PHYKPL: variants seen among roughly 807,000 people sequenced by gnomAD.
The protein encoded by PHYKPL is 5-phosphonooxy-L-lysine phospho-lyase.
In PHYKPL, 42 loss-of-function variants were observed where a neutral mutation model predicts 51.3. The ratio of observed to expected loss-of-function variants is 0.82; its 90% CI spans 0.64 to 1.06. PHYKPL has a LOEUF of 1.06. Among genes scored for constraint, PHYKPL ranks in the 50% least tolerant of loss-of-function variants. The pLI is 0.00. For missense variants in PHYKPL, 655 were observed against 586.6 expected, an observed-to-expected ratio of 1.12 and a Z score of -1.20; for synonymous variants, 264 against 236.0, an observed-to-expected ratio of 1.12 and a Z score of -1.09.
In PHYKPL at chr5:178,231,581, A is replaced by G. The variant is rs559200996; in HGVS notation, c.60-58T>C. On this transcript the variant is annotated intron_variant, in intron 1 of 12. Coordinates refer to ENST00000308158, the MANE Select transcript of PHYKPL (RefSeq NM_153373.4). Reference sequence around the variant, plus strand: ...TCTGAAGACCGAAAGGGTGAAGTCTACTCATCGCAGACCCCCGCCCACCCC... The same window carrying G: ...TCTGAAGACCGAAAGGGTGAAGTCTGCTCATCGCAGACCCCCGCCCACCCC... 3.8e-5 allele frequency: 62 copies of G among 1,612,756 alleles called. No homozygotes were observed. In the African/African-American group the frequency reaches 4.8e-4, roughly 13 times the overall value.
intron 12 of PHYKPL, 78 bp downstream of exon 12, chr5:178,211,812 A>G (rs1758532242): frequency 1.9e-6 from 2 of 1,035,788 alleles, no homozygotes; most frequent in South Asian, 2.8e-5. Flanking sequence ...AAAAAGGCTC[A>G]GCTTGCCGAG....
chr5:178,212,151 TCTC>T (rs1156556518), intron 11 of PHYKPL, among the ~76,000 whole-genome samples, 181 bp from the exon 12 acceptor site: 11 of 152,200 alleles, frequency 7.2e-5, no homozygotes, highest in South Asian at 2.1e-4. Context: ...AGCCCTCAGT[TCTC>T]CTGAGATTTG....
At chr5:178,221,967 G>C (rs967741517) in intron 8 of PHYKPL, among the ~76,000 whole-genome samples, 8 of 152,300 alleles carry the variant, frequency 5.3e-5, no homozygotes, top group African/African-American at 1.4e-4. Context: ...AAGACAGGGA[G>C]CCACTGCAAT....
chr5:178,231,583 T>C (rs985704192), intron 1 of PHYKPL, 60 bp from the exon 2 acceptor site: 30 of 1,612,652 alleles, frequency 1.9e-5, no homozygotes, highest in Non-Finnish European at 2.5e-5. Flanking sequence ...TGAAGTCTAC[T>C]CATCGCAGAC....
chr5:178,208,205 G>T (rs1451967361), downstream of PHYKPL, among the ~76,000 whole-genome samples: 2 of 152,200 alleles, frequency 1.3e-5, no homozygotes, highest in Non-Finnish European at 2.9e-5. Flanking sequence ...GCAGGGTGTG[G>T]CAGGTTCTGT....
At chr5:178,214,775 C>A (rs746835085) in intron 10 of PHYKPL, 21 bp downstream of exon 10, 6 of 1,612,972 alleles carry the variant, frequency 3.7e-6, no homozygotes, top group African/African-American at 1.3e-5. Flanking sequence ...CAGGAAGCAA[C>A]TTGTTTCAAG....
At position 178,223,548 on chromosome 5, in the gene PHYKPL, G is replaced by A. The variant is rs1330945635; in HGVS notation, c.619-614C>T. The stretch of plus-strand genomic sequence containing the variant: ...GGTGGGAGGGCAGGGCCAATGGGAT[G>A]GGATACTGGTCCCCCACACCTGTTG... On this transcript the variant is annotated intron_variant, in intron 6 of 12. Coordinates refer to ENST00000308158, the MANE Select transcript of PHYKPL (RefSeq NM_153373.4). The A allele has an allele frequency of 1.1e-5, 5 of 452,284 alleles. No individual in the cohort carries two copies. The East Asian group carries it at 3.5e-4, about 32-fold the overall frequency. 28.0% of individuals were successfully genotyped at this position (452,284 alleles called of 1,614,324 possible). A position where few individuals can be genotyped will look rare whatever the true frequency, so the allele number is the denominator to read the frequency against.
Position 178,210,138 on chromosome 5 carries a change from G to T in PHYKPL, c.*32-1223C>A. ...TGCCCTGCTCCCCCCACAGGTCAGA[G>T]TCAGAGTTGGAATCAGGGCTACGGC... On this transcript the variant is annotated intron_variant, in intron 12 of 12. Transcript: ENST00000308158. 1 of 1,614,168 alleles carries T rather than the reference G, an allele frequency of 6.2e-7. No individual in the cohort carries two copies. The highest frequency in any genetic ancestry group is 8.5e-7 in the Non-Finnish European group (1 of 1,180,006).
At chr5:178,218,216 CAAA>C (rs777929826) in intron 8 of PHYKPL, among the ~76,000 whole-genome samples, 2 of 58,284 alleles carry the variant, frequency 3.4e-5, no homozygotes, top group South Asian at 7.7e-4. Flanking sequence ...AACTCCGTCT[CAAA>C]AAAAAAAAAA....
chr5:178,209,942 C>T (rs1190143625), intron 12 of PHYKPL, among the ~76,000 whole-genome samples: 4 of 151,832 alleles, frequency 2.6e-5, no homozygotes, highest in Non-Finnish European at 5.9e-5. Flanking sequence ...ATCCTGGTCT[C>T]TGATCCTCTG....
chr5:178,224,616 CTGT>C (rs769459063), intron 5 of PHYKPL, 23 bp downstream of exon 5: 14 of 1,614,078 alleles, frequency 8.7e-6, no homozygotes, highest in African/African-American at 1.3e-5. Flanking sequence ...AGGCACCGAC[CTGT>C]TGTTGAGTTG....
At chr5:178,209,264 GGT>G in intron 12 of PHYKPL, 1 of 1,200,240 alleles carries the variant, frequency 8.3e-7, no homozygotes. Context: ...TCGCAGTGAA[GGT>G]GTTTGGGCAG....
At chr5:178,231,139 C>T (rs1470712589) in intron 2 of PHYKPL, among the ~76,000 whole-genome samples, 1 of 152,200 alleles carries the variant, frequency 6.6e-6, no homozygotes, top group Non-Finnish European at 1.5e-5. Flanking sequence ...CACAGCTGGG[C>T]CATCTGCCAC....
downstream of PHYKPL, among the ~76,000 whole-genome samples, chr5:178,208,179 G>T (rs1757182452): frequency 6.6e-6 from 1 of 152,182 alleles, no homozygotes; most frequent in Admixed American, 6.5e-5. Context: ...GGGAGTTGAG[G>T]GTGCGGCCTG....
chr5:178,224,836 T>C (rs55812151), intron 4 of PHYKPL, 107 bp from the exon 5 acceptor site: 74,552 of 823,538 alleles, frequency 0.091, 4,005 homozygotes, highest in Non-Finnish European at 0.1. Flanking sequence ...GAGGCCAACT[T>C]TCCTGACAGA....
rs770074629 is a variant in PHYKPL, at chr5:178,222,590, A to G, written c.702-10T>C. Reference sequence around the variant, plus strand: ...GGCCTTGCGGATGTGCCTGTGGCAGAGGAGATGACTGACACGGGGGCTGTG... The same window carrying G: ...GGCCTTGCGGATGTGCCTGTGGCAGGGGAGATGACTGACACGGGGGCTGTG... On this transcript the variant is annotated splice_polypyrimidine_tract_variant and intron_variant, in intron 7 of 12. Transcript: ENST00000308158. 1 of 1,612,698 alleles carries G rather than the reference A, an allele frequency of 6.2e-7. No individual in the cohort carries two copies. Among genetic ancestry groups the G allele is most frequent in the South Asian group, 1.1e-5 (1 of 91,032 alleles).
chr5:178,217,860 A>G (rs553332336), intron 8 of PHYKPL, among the ~76,000 whole-genome samples: 2 of 136,066 alleles, frequency 1.5e-5, no homozygotes, highest in East Asian at 2.1e-4. Context: ...TCCGTCTCAG[A>G]AAAAAAAAAA....
At chr5:178,209,128 A>T (rs1292184644) in intron 12 of PHYKPL, among the ~76,000 whole-genome samples, 1 of 152,140 alleles carries the variant, frequency 6.6e-6, no homozygotes, top group African/African-American at 2.4e-5. Flanking sequence ...ATTCTGTCGG[A>T]AGGGTTCTCT....
chr5:178,224,910 C>T (rs1320716732), intron 4 of PHYKPL, 181 bp from the exon 5 acceptor site: 5 of 587,718 alleles, frequency 8.5e-6, no homozygotes, highest in African/African-American at 7.5e-5. Context: ...TCTTGCAAGA[C>T]TGCTGACTGG....
Sources: gnomAD v4.1 joint callset for allele counts (sites outside exome capture counted in the v4.1 genomes callset) on GRCh38, gnomAD v4.1.1 for gene constraint, MANE v1.5 for transcripts, NCBI Gene and HGNC (gene_info 2026-07-23, HGNC 2026-07-21) for gene names.